The following NFASC variants were observed in gnomAD, a reference collection of about 807,000 sequenced individuals.
NFASC encodes neurofascin.
In NFASC, 43 loss-of-function variants were observed where a neutral mutation model predicts 147.5. The ratio of observed to expected loss-of-function variants is 0.29; its 90% confidence interval spans 0.23 to 0.38. NFASC has a LOEUF of 0.38. NFASC is among the 10% of genes least tolerant of loss of function. The probability of loss-of-function intolerance (pLI) is 1.00; values close to 1 mark genes in which losing one functional copy is unlikely to be tolerated. For synonymous variants in NFASC, 622 were observed against 665.5 expected (o/e 0.93, Z 1.01); for missense variants, 1,320 against 1,689.0 (o/e 0.78, Z 3.83).
rs548433405 is a variant in NFASC at position 205,019,525 on chromosome 1, G to A, written c.*2986G>A. The A allele has an allele frequency of 3.3e-5, 5 of 150,144 alleles. No homozygotes were observed. Among genetic ancestry groups the A allele is most frequent in the African/African-American group, 1.3e-4 (5 of 39,820 alleles). 9.3% of individuals were successfully genotyped at this position (150,144 alleles called of 1,614,324 possible). ...CAGCAAATAATCTGAAATCCAGTCT[G>A]AACTAAGGCCTGAGCTGTGGATACC... On this transcript the variant is annotated 3_prime_UTR_variant, in exon 30 of 30. Transcript: ENST00000339876.
intron 27 of NFASC, among the ~76,000 whole-genome samples, chr1:205,006,046 G>A (rs144909675): frequency 8.5e-5 from 13 of 152,272 alleles, no homozygotes; most frequent in East Asian, 3.9e-4. Context: ...CGTTGCAGAC[G>A]CACAAACCAA....
At chr1:204,831,271 C>G (rs951548565) in intron 1 of NFASC, among the ~76,000 whole-genome samples, 1 of 151,712 alleles carries the variant, frequency 6.6e-6, no homozygotes, top group Non-Finnish European at 1.5e-5. Context: ...CCAAGGCACA[C>G]GGAGGGAGAA....
At position 204,843,650 on chromosome 1, in the gene NFASC, CCCTCCCTT is replaced by C. The variant is rs1298665935; in HGVS notation, c.-200+14872_-200+14879del. 3.5e-4 allele frequency among the ~76,000 whole-genome samples: 41 copies of C among 117,674 alleles called. 1 individual carries two copies. The East Asian group carries it at 5.5e-3, about 16-fold the overall frequency. 77.2% of individuals were successfully genotyped at this position (117,674 alleles called of 152,430 possible). A position where few individuals can be genotyped will look rare whatever the true frequency, so the allele number is the denominator to read the frequency against. On this transcript the variant is annotated intron_variant, in intron 1 of 29. Transcript: ENST00000339876. ...TTCCTCCCTCCCTCCCTCCCTCCCT[CCCTCCCTT>C]CCTTCCTCCCTCCCTTCCTCCCTTC...
At position 205,002,547 on chromosome 1, in the gene NFASC, C is replaced by T. The variant is rs771843224; in HGVS notation, c.3137-49C>T. 16 of 1,392,952 alleles carry T rather than the reference C, an allele frequency of 1.1e-5. No homozygotes were observed. The African/African-American group carries it at 2.2e-4, about 19-fold the overall frequency. 86.3% of individuals were successfully genotyped at this position (1,392,952 alleles called of 1,614,324 possible). On this transcript the variant is annotated intron_variant, in intron 26 of 29. Transcript: ENST00000339876. Reference sequence around the variant, plus strand: ...TGACCAGGACCTAAGCACTGGCTCTCCAGCTCCTGGTGCCTGGCTCTAGGC... The same window carrying T: ...TGACCAGGACCTAAGCACTGGCTCTTCAGCTCCTGGTGCCTGGCTCTAGGC...
rs1327890157 is a variant in NFASC at position 204,936,202 on chromosome 1, T to C, written c.-90-8024T>C. Among the ~76,000 whole-genome samples the C allele has an allele frequency of 1.3e-3, 167 of 124,774 alleles. 10 individuals are homozygous for C. The highest frequency in any genetic ancestry group is 3.9e-4 in the Non-Finnish European group (24 of 61,594). 81.9% of individuals were successfully genotyped at this position (124,774 alleles called of 152,430 possible). A position where few individuals can be genotyped will look rare whatever the true frequency, so the allele number is the denominator to read the frequency against. On this transcript the variant is annotated intron_variant, in intron 2 of 29. Transcript: ENST00000339876. Reference sequence around the variant, plus strand: ...AGATTCCCTCTCTCTCTCTTTCTTTTTCTTTTTTTTTTTTTTTGAGATGGA... The same window carrying C: ...AGATTCCCTCTCTCTCTCTTTCTTTCTCTTTTTTTTTTTTTTTGAGATGGA...
rs112608188 is a variant in NFASC at position 204,968,115 on chromosome 1, G to T, written c.707-134G>T. The T allele has an allele frequency of 6.7e-3, 4,478 of 667,694 alleles. 130 individuals are homozygous for T. The African/African-American group carries it at 0.068, about 10-fold the overall frequency. The allele number at this position is 667,694 out of a possible 1,614,324, so 41.4% of individuals were successfully genotyped here. A position where few individuals can be genotyped will look rare whatever the true frequency, so the allele number is the denominator to read the frequency against. On this transcript the variant is annotated intron_variant, in intron 8 of 29. Coordinates refer to ENST00000339876, the MANE Select transcript of NFASC (RefSeq NM_001005388.3). This position sits in a 1 kb window ranked among gnomAD's most constrained non-coding sequence, Gnocchi z 5.4. ...ACACACCTCACTTAATGATGCCCAAGTCCTTGGGATGGTTTCAGCTGGGAG... is the reference window on the plus strand; with the variant it reads ...ACACACCTCACTTAATGATGCCCAATTCCTTGGGATGGTTTCAGCTGGGAG...
chr1:204,902,228 A>G (rs1220751788), intron 1 of NFASC, among the ~76,000 whole-genome samples: 1 of 152,188 alleles, frequency 6.6e-6, no homozygotes, highest in Non-Finnish European at 1.5e-5. Context: ...CAAGGAGGTC[A>G]AGACTGCAGT....
chr1:204,860,152 G>A (rs1051922717), intron 1 of NFASC, among the ~76,000 whole-genome samples: 4 of 152,196 alleles, frequency 2.6e-5, no homozygotes, highest in African/African-American at 9.7e-5. Context: ...TGGCCCAGGA[G>A]AGATAGCAGT....
chr1:204,962,042 C>T, intron 8 of NFASC: 1 of 1,260,504 alleles, frequency 7.9e-7, no homozygotes, highest in Non-Finnish European at 1.2e-6. Context: ...TGTTTTCTCT[C>T]CCCGTTTATG....
Position 204,954,071 on chromosome 1 carries a change from G to A in NFASC, c.216-117G>A, listed in dbSNP as rs543407021. On this transcript the variant is annotated intron_variant, in intron 5 of 29. Transcript: ENST00000339876. This position sits in a 1 kb window ranked among gnomAD's most constrained non-coding sequence, Gnocchi z 5.7. ...GAGACCTGTTGGTATGGGGTGCCAC[G>A]ATGGGACTGAGAGAGGGAATTTTGG... 5.2e-5 allele frequency: 45 copies of A among 858,284 alleles called. No individual in the cohort carries two copies. Among genetic ancestry groups the A allele is most frequent in the African/African-American group, 2.5e-4 (15 of 59,652 alleles). The allele number at this position is 858,284 out of a possible 1,614,324, so 53.2% of individuals were successfully genotyped here.
rs1281968152 is a variant in NFASC, at chr1:204,968,185, G to A, written c.707-64G>A. 1.1e-5 allele frequency: 13 copies of A among 1,180,092 alleles called. No individual in the cohort carries two copies. Among genetic ancestry groups the A allele is most frequent in the East Asian group, 7.0e-5 (3 of 42,792 alleles). The allele number at this position is 1,180,092 out of a possible 1,614,324, so 73.1% of individuals were successfully genotyped here. ...TGCCACTTCTCTCTAGCCTGACAGC[G>A]TTGGCCTAGTGGGGTCTGCCTTCTG... is the stretch of plus-strand genomic sequence containing the variant. On this transcript the variant is annotated intron_variant, in intron 8 of 29. Coordinates refer to ENST00000339876, the MANE Select transcript of NFASC (RefSeq NM_001005388.3). This position sits in a 1 kb window ranked among gnomAD's most constrained non-coding sequence, Gnocchi z 5.4.
At chr1:204,924,672 G>T (rs1384619736) in intron 2 of NFASC, among the ~76,000 whole-genome samples, 1 of 152,196 alleles carries the variant, frequency 6.6e-6, no homozygotes, top group African/African-American at 2.4e-5. Context: ...GACTGCCTGT[G>T]CAGATAACCA....
chr1:204,981,662 T>A, intron 20 of NFASC, 136 bp from the exon 21 acceptor site: 1 of 534,214 alleles, frequency 1.9e-6, no homozygotes, highest in East Asian at 3.4e-5. Context: ...GATATGGTCT[T>A]CCCTACCCTG....
intron 1 of NFASC, chr1:204,870,686 C>CT: frequency 9.3e-7 from 1 of 1,079,276 alleles, no homozygotes; most frequent in South Asian, 2.8e-5. Flanking sequence ...AGTGAGCAAG[C>CT]CGGCCGAGGG....
intron 1 of NFASC, among the ~76,000 whole-genome samples, chr1:204,865,797 C>G (rs2077059991): frequency 6.6e-6 from 1 of 152,150 alleles, no homozygotes; most frequent in Non-Finnish European, 1.5e-5. Flanking sequence ...TATAATCATT[C>G]TTGAGCATAG....
chr1:204,936,840 C>G (rs1192704298), intron 2 of NFASC, among the ~76,000 whole-genome samples: 1 of 152,260 alleles, frequency 6.6e-6, no homozygotes, highest in Non-Finnish European at 1.5e-5. Flanking sequence ...TTTTGGCCTT[C>G]AGAGCTCTCC....
chr1:204,843,542 T>C (rs549613008), intron 1 of NFASC, among the ~76,000 whole-genome samples: 1 of 152,150 alleles, frequency 6.6e-6, no homozygotes, highest in African/African-American at 2.4e-5. Context: ...TTCTTCCCTC[T>C]CCAGGTCTGT....
rs904190590 is a variant in NFASC, at chr1:204,828,720, A to C, written c.-262A>C. ...GAGGCGCTGCAGGGGACGCGGGGGA[A>C]GTGGCGGCGCCGGCAGCGGACAGCT... is the stretch of plus-strand genomic sequence containing the variant. On this transcript the variant is annotated 5_prime_UTR_variant, in exon 1 of 30. Coordinates refer to ENST00000339876, the MANE Select transcript of NFASC (RefSeq NM_001005388.3). 3.0e-6 allele frequency: 3 copies of C among 985,666 alleles called. No homozygotes were observed. Among genetic ancestry groups the C allele is most frequent in the Middle Eastern group, 5.2e-4 (1 of 1,912 alleles). 61.1% of individuals were successfully genotyped at this position (985,666 alleles called of 1,614,324 possible).
rs117106320 is a variant in NFASC at position 204,868,376 on chromosome 1, C to T, written c.-200+39594C>T. On this transcript the variant is annotated intron_variant, in intron 1 of 29. Transcript: ENST00000339876. The stretch of plus-strand genomic sequence containing the variant: ...TAAGCCTTGGGGAATCGGAGGAGCA[C>T]GACCTGGCTGCCCTGCCTAGGATGC... Among the ~76,000 whole-genome samples the T allele has an allele frequency of 3.4e-3, 518 of 152,246 alleles. 18 individuals carry two copies. The highest frequency in any genetic ancestry group is 0.027 in the Admixed American group (417 of 15,308).
Sources: allele counts gnomAD v4.1 joint callset (sites outside exome capture counted in the v4.1 genomes callset), GRCh38; gene constraint gnomAD v4.1.1; non-coding constraint Gnocchi (gnomAD v3.1); transcripts MANE v1.5; gene names NCBI Gene and HGNC (gene_info 2026-07-23, HGNC 2026-07-21).